The following STXBP5L variants were observed in gnomAD, a reference collection of about 807,000 sequenced individuals.
The protein encoded by STXBP5L is syntaxin-binding protein 5-like.
In STXBP5L, 65 loss-of-function variants were observed where a neutral mutation model predicts 144.5. That is an observed-to-expected ratio of 0.45 (90% CI 0.37 to 0.55). STXBP5L has a LOEUF of 0.55. Among genes scored for constraint, STXBP5L ranks in the 20% least tolerant of loss-of-function variants. The pLI is 0.00. For missense variants in STXBP5L, 1,298 were observed against 1,405.5 expected (o/e 0.92, Z 1.22); for synonymous variants, 505 against 469.6 (o/e 1.08, Z -0.97).
intron 3 of STXBP5L, among the ~76,000 whole-genome samples, chr3:120,996,447 A>G (rs1042882212): frequency 2.6e-5 from 4 of 152,140 alleles, no homozygotes; most frequent in African/African-American, 9.7e-5. Flanking sequence ...ATACTCACAT[A>G]GTTACCATTT....
intron 5 of STXBP5L, among the ~76,000 whole-genome samples, chr3:121,107,410 A>T (rs906213826): frequency 2.6e-5 from 4 of 151,840 alleles, no homozygotes; most frequent in African/African-American, 4.8e-5. Flanking sequence ...TAAGGAAGGG[A>T]TCCAGTTTCA....
At chr3:121,043,846 C>G (rs1947326688) in intron 4 of STXBP5L, among the ~76,000 whole-genome samples, 1 of 152,150 alleles carries the variant, frequency 6.6e-6, no homozygotes, top group South Asian at 2.1e-4. Context: ...TAGCATGTAA[C>G]TATCTCTTGT....
intron 20 of STXBP5L, among the ~76,000 whole-genome samples, chr3:121,365,500 T>G (rs757596945): frequency 2.0e-5 from 3 of 151,822 alleles, no homozygotes; most frequent in Non-Finnish European, 4.4e-5. Flanking sequence ...GACTTGGTCA[T>G]GGCAAGTTTT....
rs530106835 is a variant in STXBP5L at position 121,014,586 on chromosome 3, T to C, written c.288-27114T>C. ...GTTCATGGACTTGTTTTTCTATCTT[T>C]TGGCTATTATGAATACCAAACATTA... On this transcript the variant is annotated intron_variant, in intron 3 of 26. Transcript: ENST00000471454. Among the ~76,000 whole-genome samples, 5 of 150,612 alleles carry C rather than the reference T, an allele frequency of 3.3e-5. No individual in the cohort carries two copies. The South Asian group carries it at 1.0e-3, about 32-fold the overall frequency.
chr3:121,043,753 G>T (rs542607583), intron 4 of STXBP5L, among the ~76,000 whole-genome samples: 1 of 152,086 alleles, frequency 6.6e-6, no homozygotes, highest in Non-Finnish European at 1.5e-5. Context: ...TTCCTCACTA[G>T]AATTATTTAG....
At chr3:120,936,348 C>G (rs564649270) in intron 2 of STXBP5L, among the ~76,000 whole-genome samples, 1 of 152,012 alleles carries the variant, frequency 6.6e-6, no homozygotes, top group Non-Finnish European at 1.5e-5. Flanking sequence ...CTTGCTGTCT[C>G]TACAAACTGT....
intron 14 of STXBP5L, among the ~76,000 whole-genome samples, chr3:121,246,261 G>A (rs190719491): frequency 2.2e-3 from 329 of 152,298 alleles, no homozygotes; most frequent in Non-Finnish European, 3.7e-3. Context: ...TCTAACTAAT[G>A]CCTGATGATC....
At chr3:121,277,850 T>G (rs1458699982) in intron 18 of STXBP5L, among the ~76,000 whole-genome samples, 1 of 152,036 alleles carries the variant, frequency 6.6e-6, no homozygotes, top group Non-Finnish European at 1.5e-5. Context: ...TTAGGAGAGC[T>G]CTGCAGTTTC....
intron 5 of STXBP5L, among the ~76,000 whole-genome samples, chr3:121,064,267 C>A (rs1376184478): frequency 6.6e-6 from 1 of 152,156 alleles, no homozygotes; most frequent in East Asian, 1.9e-4. Flanking sequence ...AGGCAACGCC[C>A]CACCCTGCTT....
chr3:121,240,449 A>T lies in STXBP5L; in HGVS notation c.1342A>T (p.Ile448Phe). 6.2e-7 allele frequency: 1 copy of T among 1,613,484 alleles called. No individual in the cohort carries two copies. The highest frequency in any genetic ancestry group is 1.7e-4 in the Middle Eastern group (1 of 6,050). The part of the protein sequence containing the change: ...KQGYSNKEWP[I>F]SGGAWNLGAQ... ...TGGATAATCTGTTTAGGAGTGGCCA[A>T]TCAGTGGAGGAGCTTGGAACCTTGG... is the stretch of plus-strand genomic sequence containing the variant. The change falls in exon 14 of 27, where the codon ATC becomes TTC. Residue 448 changes from isoleucine to phenylalanine, a missense_variant. Ile to Phe is a conservative substitution (Grantham distance 21). Coordinates refer to ENST00000471454, the MANE Select transcript of STXBP5L (RefSeq NM_001308330.2).
chr3:121,040,132 A>C (rs1947047168), intron 3 of STXBP5L, among the ~76,000 whole-genome samples: 1 of 151,768 alleles, frequency 6.6e-6, no homozygotes, highest in South Asian at 2.1e-4. Flanking sequence ...TCCTTGTTAC[A>C]AGTTATATTT....
intron 19 of STXBP5L, among the ~76,000 whole-genome samples, chr3:121,310,953 T>A (rs2043505519): frequency 6.6e-6 from 1 of 151,582 alleles, no homozygotes; most frequent in African/African-American, 2.4e-5. Context: ...ATAAATCACA[T>A]ACTGAAAGAA....
chr3:121,248,163 A>C (rs2049916269), intron 14 of STXBP5L, among the ~76,000 whole-genome samples: 1 of 152,084 alleles, frequency 6.6e-6, no homozygotes, highest in Non-Finnish European at 1.5e-5. Flanking sequence ...TCCTGAGCTC[A>C]AGCAATTCTC....
At chr3:121,088,120 A>G (rs2107718155) in intron 5 of STXBP5L, among the ~76,000 whole-genome samples, 1 of 151,818 alleles carries the variant, frequency 6.6e-6, no homozygotes, top group South Asian at 2.1e-4. Flanking sequence ...GAGCTTCTGC[A>G]CAGCAAAAGA....
At chr3:121,269,230 AAAT>A (rs201336720) in intron 18 of STXBP5L, among the ~76,000 whole-genome samples, 2,931 of 152,246 alleles carry the variant, frequency 0.019, 85 homozygotes, top group African/African-American at 0.066. Flanking sequence ...CTAACTAGGA[AAAT>A]AATTTTCAAG....
In STXBP5L at chr3:121,254,999, G is replaced by C. The variant is rs1239527924; in HGVS notation, c.1546G>C (p.Ala516Pro). 1 of 1,613,484 alleles carries C rather than the reference G, an allele frequency of 6.2e-7. No homozygotes were observed. Among genetic ancestry groups the C allele is most frequent in the Non-Finnish European group, 8.5e-7 (1 of 1,179,726 alleles). ...TGAAATTGTAGAGGAAGACCCATTT[G>C]CCATTCAGATGATTTACTGGTGTCC... ...TCEIVEEDPF[A>P]IQMIYWCPES... is the part of the protein sequence containing the mutation. The change falls in exon 16 of 27, where the codon GCC becomes CCC. Residue 516 changes from alanine (A) to proline (P), a missense_variant. Ala to Pro is a conservative substitution (Grantham distance 27). Transcript: ENST00000471454.
rs1281637259 is a variant in STXBP5L at position 120,937,443 on chromosome 3, CAGTT to C, written c.190-17495_190-17492del. On this transcript the variant is annotated intron_variant, in intron 2 of 26. Coordinates refer to ENST00000471454, the MANE Select transcript of STXBP5L (RefSeq NM_001308330.2). The stretch of plus-strand genomic sequence containing the variant: ...TCACATTAAACCTCCAGCAATTTGT[CAGTT>C]AAATTTTAGGCTGTAATCACTGTAG... 2.6e-5 allele frequency among the ~76,000 whole-genome samples: 4 copies of C among 152,146 alleles called. No individual in the cohort carries two copies. In the East Asian group the frequency reaches 7.7e-4, roughly 29 times the overall value.
At chr3:121,289,007 T>TA (rs142235042) in intron 19 of STXBP5L, among the ~76,000 whole-genome samples, 5,404 of 152,158 alleles carry the variant, frequency 0.036, 146 homozygotes, top group Middle Eastern at 0.082. Context: ...ATTTTAAAAA[T>TA]ACCTACCAGG....
intron 3 of STXBP5L, among the ~76,000 whole-genome samples, chr3:121,000,088 G>T (rs562966646): frequency 1.3e-5 from 2 of 152,124 alleles, no homozygotes; most frequent in African/African-American, 4.8e-5. Context: ...TGTGTGTTTT[G>T]GGGGTGGTCA....
Sources: allele counts gnomAD v4.1 joint callset (sites outside exome capture counted in the v4.1 genomes callset), GRCh38; gene constraint gnomAD v4.1.1; transcripts MANE v1.5; gene names NCBI Gene and HGNC (gene_info 2026-07-23, HGNC 2026-07-21).